Variants in XPO6 observed in about 807,000 individuals in gnomAD.
The protein encoded by XPO6 is exportin 6, also known as exportin-6.
A neutral mutation model predicts 130.0 loss-of-function variants in XPO6; 3 were observed. The ratio of observed to expected loss-of-function variants is 0.02; its 90% CI spans 0.01 to 0.06. The LOEUF is 0.06. Among genes scored for constraint, XPO6 ranks in the 10% least tolerant of loss-of-function variants. XPO6 has a pLI of 1.00. For synonymous variants in XPO6, 524 were observed against 548.9 expected (o/e 0.95, Z 0.63); for missense variants, 970 against 1,393.0 (o/e 0.70, Z 4.83).
In XPO6 at chr16:28,132,079, T is replaced by C. The variant is rs1202224835; in HGVS notation, c.1606+255A>G. Among the ~76,000 whole-genome samples, 1 of 152,252 alleles carries C rather than the reference T, an allele frequency of 6.6e-6. No homozygotes were observed. Among genetic ancestry groups the C allele is most frequent in the African/African-American group, 2.4e-5 (1 of 41,476 alleles). ...TAATTAGAGGCTTTTTAGTAAGTCC[T>C]GTCTCTTTACTCCAAATCAGTTTCT... On this transcript the variant is annotated intron_variant, in intron 12 of 23. Transcript: ENST00000304658. The surrounding 1 kb of genome is among the most constrained non-coding windows in gnomAD (Gnocchi z 4.0).
chr16:28,101,309 T>C lies in XPO6; in HGVS notation c.3276+149A>G, dbSNP rs1463708370. On this transcript the variant is annotated intron_variant, in intron 23 of 23. Coordinates refer to ENST00000304658, the MANE Select transcript of XPO6 (RefSeq NM_015171.4). This position sits in a 1 kb window ranked among gnomAD's most constrained non-coding sequence, Gnocchi z 5.4. ...CCCTCAATCAGGCTACAGCACCAGG[T>C]CAGCAGGCATCTCGTGAGCTGCCGC... 4.2e-6 allele frequency: 3 copies of C among 721,670 alleles called. No individual in the cohort carries two copies. The highest frequency in any genetic ancestry group is 7.5e-6 in the Non-Finnish European group (3 of 401,466). The allele number at this position is 721,670 out of a possible 1,614,324, so 44.7% of individuals were successfully genotyped here.
At chr16:28,188,266 C>G (rs754928823) in intron 1 of XPO6, among the ~76,000 whole-genome samples, 9 of 152,154 alleles carry the variant, frequency 5.9e-5, no homozygotes, top group Non-Finnish European at 8.8e-5. Flanking sequence ...TTTAAAGACA[C>G]TTCTATTAAG....
At chr16:28,167,134 C>A (rs1250598162) in intron 5 of XPO6, 1 of 984,958 alleles carries the variant, frequency 1.0e-6, no homozygotes, top group African/African-American at 1.7e-5. Context: ...TATTCTGAAG[C>A]CTCTCAAGTC....
Position 28,155,888 on chromosome 16 carries a change from C to T in XPO6, c.1097+186G>A, listed in dbSNP as rs886380586. ...CACAAGCATTTTTCAAACTCAGTCACTTCCCTTAACCACCCAAGCCCTTCC... is the reference window on the plus strand; with the variant it reads ...CACAAGCATTTTTCAAACTCAGTCATTTCCCTTAACCACCCAAGCCCTTCC... On this transcript the variant is annotated intron_variant, in intron 7 of 23. Transcript: ENST00000304658. The T allele has an allele frequency of 2.9e-6, 4 of 1,369,712 alleles. No homozygotes were observed. In the African/African-American group the frequency reaches 5.8e-5, roughly 20 times the overall value. 84.8% of individuals were successfully genotyped at this position (1,369,712 alleles called of 1,614,324 possible). A position where few individuals can be genotyped will look rare whatever the true frequency, so the allele number is the denominator to read the frequency against.
intron 1 of XPO6, among the ~76,000 whole-genome samples, chr16:28,206,775 G>A (rs2044037139): frequency 6.6e-6 from 1 of 151,992 alleles, no homozygotes; most frequent in African/African-American, 2.4e-5. Context: ...CAAAACCTCT[G>A]GGTACTGCTG....
rs2086575289 is a variant in XPO6 at position 28,098,213 on chromosome 16, C to A, written c.*325G>T. The A allele has an allele frequency of 4.0e-6, 1 of 249,990 alleles. No individual in the cohort carries two copies. Among genetic ancestry groups the A allele is most frequent in the Non-Finnish European group, 7.8e-6 (1 of 128,940 alleles). 15.5% of individuals were successfully genotyped at this position (249,990 alleles called of 1,614,324 possible). ...GAAGGTGGCACTGTCGTGAGCTGTC[C>A]TTGGCAATTCTGCCCCATGAGCCAC... On this transcript the variant is annotated 3_prime_UTR_variant, in exon 24 of 24. Transcript: ENST00000304658.
chr16:28,146,299 A>G, intron 8 of XPO6, 96 bp from the exon 9 acceptor site: 1 of 1,000,372 alleles, frequency 1.0e-6, no homozygotes. Flanking sequence ...CAGAATGATG[A>G]AATCATAAGC....
chr16:28,098,215 T>G lies in XPO6; in HGVS notation c.*323A>C, dbSNP rs1655313094. 4.0e-6 allele frequency: 1 copy of G among 253,080 alleles called. No individual in the cohort carries two copies. 15.7% of individuals were successfully genotyped at this position (253,080 alleles called of 1,614,324 possible). A position where few individuals can be genotyped will look rare whatever the true frequency, so the allele number is the denominator to read the frequency against. ...AGGTGGCACTGTCGTGAGCTGTCCT[T>G]GGCAATTCTGCCCCATGAGCCACGT... On this transcript the variant is annotated 3_prime_UTR_variant, in exon 24 of 24. Transcript: ENST00000304658.
intron 9 of XPO6, among the ~76,000 whole-genome samples, chr16:28,138,215 T>A (rs11645279): frequency 0.58 from 87,415 of 151,952 alleles, 27,489 homozygotes; most frequent in South Asian, 0.72. Context: ...AGAGTTTATG[T>A]TTTTGCCTTT....
Position 28,176,114 on chromosome 16 carries a change from T to A in XPO6, c.208-19A>T. The A allele has an allele frequency of 1.9e-6, 3 of 1,612,972 alleles. No homozygotes were observed. The highest frequency in any genetic ancestry group is 1.7e-6 in the Non-Finnish European group (2 of 1,179,248). ...TCAGATTCTGAAAAACAAATATACA[T>A]CTTTTAAGTTAACAACCTATACACA... On this transcript the variant is annotated intron_variant, in intron 3 of 23. Transcript: ENST00000304658.
chr16:28,133,505 C>T (rs1190158915), intron 11 of XPO6, among the ~76,000 whole-genome samples: 1 of 152,100 alleles, frequency 6.6e-6, no homozygotes, highest in Non-Finnish European at 1.5e-5. Flanking sequence ...TTGCCAAGAG[C>T]GAGCTTTACA....
rs753511468 is a variant in XPO6, at chr16:28,135,196, A to T, written c.1443+20T>A. On this transcript the variant is annotated intron_variant, in intron 10 of 23. Transcript: ENST00000304658. ...CACAACATGACAGCGACAAAAAATC[A>T]ATCAGGGCATGCCGCTTACATCGTC... is the stretch of plus-strand genomic sequence containing the variant. 1 of 1,601,026 alleles carries T rather than the reference A, an allele frequency of 6.2e-7. No individual in the cohort carries two copies. The highest frequency in any genetic ancestry group is 8.5e-7 in the Non-Finnish European group (1 of 1,172,538).
At chr16:28,167,182 C>G (rs1014378764) in intron 5 of XPO6, 1 of 985,286 alleles carries the variant, frequency 1.0e-6, no homozygotes, top group African/African-American at 1.7e-5. Context: ...ACTATATACA[C>G]CAAGCTCTGC....
At chr16:28,128,784 C>T (rs537250512) in intron 12 of XPO6, among the ~76,000 whole-genome samples, 70 of 152,264 alleles carry the variant, frequency 4.6e-4, no homozygotes, top group African/African-American at 1.7e-3. Flanking sequence ...GTCACAAACA[C>T]GGGTAAAGTA....
intron 1 of XPO6, among the ~76,000 whole-genome samples, chr16:28,206,017 G>A (rs1162653215): frequency 7.1e-5 from 9 of 126,856 alleles, no homozygotes; most frequent in African/African-American, 1.1e-4. Context: ...CAGCCTAGGC[G>A]ACAGAGCAAG....
chr16:28,197,177 G>A (rs1298514303), intron 1 of XPO6, among the ~76,000 whole-genome samples: 10 of 151,966 alleles, frequency 6.6e-5, no homozygotes, highest in Non-Finnish European at 1.3e-4. Flanking sequence ...ACTTAAATCC[G>A]GGAGACAGAG....
chr16:28,116,526 G>A (rs980417028), intron 15 of XPO6, among the ~76,000 whole-genome samples: 10 of 150,284 alleles, frequency 6.7e-5, no homozygotes, highest in African/African-American at 1.7e-4. Flanking sequence ...CTTTTGACAC[G>A]CCTTCCTCAC....
intron 6 of XPO6, among the ~76,000 whole-genome samples, chr16:28,161,530 C>A (rs1324891146): frequency 1.3e-5 from 2 of 151,470 alleles, no homozygotes; most frequent in Non-Finnish European, 2.9e-5. Context: ...CTGTCCCTAG[C>A]ATGTGGCTCA....
At chr16:28,185,316 C>T (rs1438993673) in intron 1 of XPO6, among the ~76,000 whole-genome samples, 1 of 152,056 alleles carries the variant, frequency 6.6e-6, no homozygotes, top group African/African-American at 2.4e-5. Context: ...GGTATGATTG[C>T]ACCAATGCAC....
Sources: gnomAD v4.1 joint callset for allele counts (sites outside exome capture counted in the v4.1 genomes callset) on GRCh38, gnomAD v4.1.1 for gene constraint, Gnocchi (gnomAD v3.1) non-coding constraint, MANE v1.5 for transcripts, NCBI Gene and HGNC (gene_info 2026-07-23, HGNC 2026-07-21) for gene names.